TNRC6A: variants seen among roughly 807,000 people sequenced by gnomAD.
TNRC6A encodes the protein trinucleotide repeat containing adaptor 6A.
TNRC6A carries 44 observed loss-of-function variants against 221.2 expected under a neutral mutation model. That is an observed-to-expected ratio of 0.20 (90% confidence interval 0.16 to 0.26). The LOEUF (loss-of-function observed/expected upper bound fraction) is 0.26. Among genes scored for constraint, TNRC6A ranks in the 10% least tolerant of loss-of-function variants. TNRC6A has a pLI of 1.00. For synonymous variants in TNRC6A, 847 were observed against 838.5 expected (o/e 1.01, Z -0.18); for missense variants, 2,199 against 2,404.4 (o/e 0.91, Z 1.79).
At chr16:24,771,982 G>A (rs2057621219) in intron 4 of TNRC6A, among the ~76,000 whole-genome samples, 2 of 152,200 alleles carry the variant, frequency 1.3e-5, no homozygotes, top group Non-Finnish European at 2.9e-5. Context: ...GTCTATGACT[G>A]CTCTGGTGCT....
intron 5 of TNRC6A, among the ~76,000 whole-genome samples, chr16:24,780,530 AT>A (rs1365785777): frequency 6.6e-6 from 1 of 152,214 alleles, no homozygotes; most frequent in Non-Finnish European, 1.5e-5. Flanking sequence ...GTTAGTGTTT[AT>A]ATAAAATATA....
At chr16:24,761,431 C>A (rs2057360495) in intron 4 of TNRC6A, among the ~76,000 whole-genome samples, 2 of 152,072 alleles carry the variant, frequency 1.3e-5, no homozygotes, top group African/African-American at 4.8e-5. Context: ...TTTTAAGATG[C>A]CCTGTGGTAT....
intron 2 of TNRC6A, among the ~76,000 whole-genome samples, chr16:24,716,440 G>A (rs1389619430): frequency 2.0e-5 from 3 of 152,124 alleles, no homozygotes; most frequent in Non-Finnish European, 4.4e-5. Flanking sequence ...AGTCCAAGGC[G>A]GGTAGATTAC....
chr16:24,772,259 C>G (rs1218530253), intron 4 of TNRC6A, among the ~76,000 whole-genome samples: 13 of 152,174 alleles, frequency 8.5e-5, no homozygotes, highest in Non-Finnish European at 4.4e-5. Context: ...CAAAATTTAG[C>G]CTGACTTATT....
chr16:24,702,281 G>T (rs2056001597), intron 2 of TNRC6A, among the ~76,000 whole-genome samples: 1 of 150,178 alleles, frequency 6.7e-6, no homozygotes. Flanking sequence ...GAGCTCAAGT[G>T]ATCTTCCCAG....
At chr16:24,644,032 G>C (rs1218167653) in intron 2 of TNRC6A, among the ~76,000 whole-genome samples, 2 of 151,116 alleles carry the variant, frequency 1.3e-5, no homozygotes, top group Admixed American at 6.6e-5. Flanking sequence ...AAGAGGGCAG[G>C]CAATTCTAGA....
At chr16:24,798,131 AG>A in intron 11 of TNRC6A, 165 bp downstream of exon 11, 1 of 524,524 alleles carries the variant, frequency 1.9e-6, no homozygotes, top group Non-Finnish European at 3.4e-6. Context: ...TTGAAAGTGC[AG>A]GACCACTGTG....
At chr16:24,643,097 TATATATATATAAAATATATATATATAAA>T (rs1237172822) in intron 2 of TNRC6A, among the ~76,000 whole-genome samples, 1 of 63,296 alleles carries the variant, frequency 1.6e-5, no homozygotes, top group East Asian at 5.8e-4. Flanking sequence ...ATATATTTTA[TATATATATATAAAATATATATATATAAA>T]ATATATATAT....
intron 1 of TNRC6A, among the ~76,000 whole-genome samples, chr16:24,630,099 T>A (rs1901255311): frequency 6.6e-6 from 1 of 152,236 alleles, no homozygotes; most frequent in Non-Finnish European, 1.5e-5. Flanking sequence ...TAGAAGCAAT[T>A]AGAAAAGAAT....
At chr16:24,733,411 A>G (rs1596567645) in intron 2 of TNRC6A, among the ~76,000 whole-genome samples, 1 of 152,224 alleles carries the variant, frequency 6.6e-6, no homozygotes, top group African/African-American at 2.4e-5. Flanking sequence ...TTAGTTTACT[A>G]TCATAGGTAA....
chr16:24,759,871 C>T (rs998753863), intron 4 of TNRC6A, among the ~76,000 whole-genome samples: 1 of 152,136 alleles, frequency 6.6e-6, no homozygotes, highest in Non-Finnish European at 1.5e-5. Context: ...ATGTCTAAGA[C>T]AGTTACAAGG....
At chr16:24,780,939 C>G (rs2057828651) in intron 5 of TNRC6A, among the ~76,000 whole-genome samples, 1 of 150,498 alleles carries the variant, frequency 6.6e-6, no homozygotes, top group African/African-American at 2.5e-5. Context: ...TCCTTGCTGT[C>G]TTGCAACTTC....
intron 1 of TNRC6A, among the ~76,000 whole-genome samples, chr16:24,635,004 G>A (rs1901551645): frequency 6.6e-6 from 1 of 152,074 alleles, no homozygotes; most frequent in African/African-American, 2.4e-5. Flanking sequence ...ATGTTGCCCA[G>A]GCTGGTCTTG....
intron 3 of TNRC6A, among the ~76,000 whole-genome samples, chr16:24,756,755 A>T (rs1441564791): frequency 6.6e-6 from 1 of 152,122 alleles, no homozygotes; most frequent in Non-Finnish European, 1.5e-5. Context: ...TGCCTCCCAA[A>T]GTGCTGGGAT....
chr16:24,640,042 T>C (rs1186073972), intron 1 of TNRC6A, among the ~76,000 whole-genome samples: 1 of 152,150 alleles, frequency 6.6e-6, no homozygotes, highest in Admixed American at 6.5e-5. Flanking sequence ...AGAGAGAAGT[T>C]GCAGACATAG....
intron 2 of TNRC6A, chr16:24,664,939 G>A: frequency 2.2e-6 from 1 of 456,366 alleles, no homozygotes; most frequent in Non-Finnish European, 4.4e-6. Context: ...GCCAGCAGAA[G>A]TAAGGCACGA....
At chr16:24,752,387 A>T (rs1392315898) in intron 3 of TNRC6A, among the ~76,000 whole-genome samples, 3 of 152,194 alleles carry the variant, frequency 2.0e-5, no homozygotes, top group African/African-American at 4.8e-5. Flanking sequence ...ATCAGCAAGT[A>T]TTAGGGGAGG....
intron 2 of TNRC6A, among the ~76,000 whole-genome samples, chr16:24,687,843 G>GGAGGAAGAAGAA (rs2055660614): frequency 9.8e-6 from 1 of 101,856 alleles, no homozygotes; most frequent in Non-Finnish European, 2.0e-5. Context: ...AAGAGGAAGA[G>GGAGGAAGAAGAA]GAAGAAGAAG....
chr16:24,633,301 G>A (rs1338321892), intron 1 of TNRC6A, among the ~76,000 whole-genome samples: 1 of 152,122 alleles, frequency 6.6e-6, no homozygotes, highest in Non-Finnish European at 1.5e-5. Flanking sequence ...ACAGTGCTTT[G>A]ATCTAAAGTG....
Sources: gnomAD v4.1 joint callset for allele counts (sites outside exome capture counted in the v4.1 genomes callset) on GRCh38, gnomAD v4.1.1 for gene constraint, MANE v1.5 for transcripts, NCBI Gene and HGNC (gene_info 2026-07-23, HGNC 2026-07-21) for gene names.